Variants in PLIN3 observed in about 807,000 individuals in gnomAD.
PLIN3 encodes the protein perilipin-3.
A neutral mutation model predicts 35.9 loss-of-function variants in PLIN3; 30 were observed. The ratio of observed to expected loss-of-function variants is 0.84; its 90% CI spans 0.62 to 1.13. The LOEUF is 1.13. PLIN3 is among the 50% of genes most tolerant of loss of function. The probability of loss-of-function intolerance (pLI) is 0.00; values close to 1 mark genes in which losing one functional copy is unlikely to be tolerated. For synonymous variants in PLIN3, 261 were observed against 262.5 expected (o/e 0.99, Z 0.06); for missense variants, 603 against 596.9 (o/e 1.01, Z -0.11).
At chr19:4,842,416 G>A (rs991283998) in intron 7 of PLIN3, among the ~76,000 whole-genome samples, 5 of 151,676 alleles carry the variant, frequency 3.3e-5, no homozygotes, top group African/African-American at 1.2e-4. Flanking sequence ...GTGACGGAGT[G>A]AGACTCTGTC....
At chr19:4,864,868 T>C (rs569591582) in intron 1 of PLIN3, among the ~76,000 whole-genome samples, 1 of 152,128 alleles carries the variant, frequency 6.6e-6, no homozygotes, top group South Asian at 2.1e-4. Flanking sequence ...CGCCTTCCCC[T>C]CCTCTGGCCT....
intron 1 of PLIN3, among the ~76,000 whole-genome samples, chr19:4,866,067 G>GA (rs2030846189): frequency 6.7e-6 from 1 of 150,196 alleles, no homozygotes; most frequent in Non-Finnish European, 1.5e-5. Context: ...GCCCAGGCTG[G>GA]AATGCAGTGG....
rs530761495 is a variant in PLIN3, at chr19:4,844,492, T to G, written c.960+176A>C. On this transcript the variant is annotated intron_variant, in intron 7 of 7. Transcript: ENST00000221957. Reference sequence around the variant, plus strand: ...AAACAAAAAACAGAAGCCATACCTATGCATGCCCAAGAGGAGAAATCAAGG... The same window carrying G: ...AAACAAAAAACAGAAGCCATACCTAGGCATGCCCAAGAGGAGAAATCAAGG... 4.6e-5 allele frequency among the ~76,000 whole-genome samples: 7 copies of G among 152,090 alleles called. No homozygotes were observed. The East Asian group carries it at 1.2e-3, about 25-fold the overall frequency.
chr19:4,866,351 C>G (rs1279472561), intron 1 of PLIN3, among the ~76,000 whole-genome samples: 1 of 152,090 alleles, frequency 6.6e-6, no homozygotes, highest in East Asian at 1.9e-4. Flanking sequence ...TGGCAACTCA[C>G]TAGGAATAGG....
intron 7 of PLIN3, among the ~76,000 whole-genome samples, chr19:4,842,255 T>C (rs1418147989): frequency 2.0e-5 from 3 of 151,820 alleles, no homozygotes; most frequent in Non-Finnish European, 4.4e-5. Context: ...GACAGAACCC[T>C]GTCTCTACTA....
chr19:4,862,222 C>T (rs1689976078), intron 1 of PLIN3, among the ~76,000 whole-genome samples: 2 of 151,922 alleles, frequency 1.3e-5, no homozygotes, highest in Admixed American at 6.6e-5. Context: ...CCTCCACCTC[C>T]CACGTTCAAG....
intron 6 of PLIN3, 48 bp from the exon 7 acceptor site, chr19:4,844,841 G>A: frequency 1.3e-6 from 2 of 1,528,694 alleles, no homozygotes; most frequent in Non-Finnish European, 1.8e-6. Flanking sequence ...CCCTGGGAGA[G>A]ACGGGATTCC....
At chr19:4,861,016 G>A (rs1034536758) in intron 2 of PLIN3, among the ~76,000 whole-genome samples, 1 of 152,118 alleles carries the variant, frequency 6.6e-6, no homozygotes, top group Non-Finnish European at 1.5e-5. Flanking sequence ...GAGAGATCTG[G>A]AATAGAAACT....
intron 4 of PLIN3, among the ~76,000 whole-genome samples, chr19:4,856,632 C>A (rs578184964): frequency 6.6e-6 from 1 of 151,856 alleles, no homozygotes; most frequent in South Asian, 2.1e-4. Flanking sequence ...ACAAAGCAGG[C>A]AGCCTGTGCC....
At chr19:4,856,527 C>T (rs1198036087) in intron 4 of PLIN3, among the ~76,000 whole-genome samples, 2 of 151,666 alleles carry the variant, frequency 1.3e-5, no homozygotes, top group Non-Finnish European at 2.9e-5. Context: ...CATTGCACTC[C>T]AGCCTGGGCA....
intron 6 of PLIN3, among the ~76,000 whole-genome samples, chr19:4,845,720 C>T (rs552961254): frequency 2.0e-5 from 3 of 151,178 alleles, no homozygotes; most frequent in South Asian, 2.1e-4. Context: ...GTGAGGAGAT[C>T]GAGACCATCC....
chr19:4,843,128 A>T (rs1296991024), intron 7 of PLIN3, among the ~76,000 whole-genome samples: 1 of 152,048 alleles, frequency 6.6e-6, no homozygotes, highest in Non-Finnish European at 1.5e-5. Context: ...AGGTGGAGAC[A>T]GGAGAACCAC....
intron 7 of PLIN3, among the ~76,000 whole-genome samples, chr19:4,843,510 A>AAAAAAAAAAAAT (rs1555733213): frequency 0.045 from 6,284 of 139,434 alleles, 225 homozygotes; most frequent in Middle Eastern, 0.14. Flanking sequence ...TCCATCTCAA[A>AAAAAAAAAAAAT]AAATAAATAA....
chr19:4,840,596 G>A (rs1157943522), intron 7 of PLIN3, among the ~76,000 whole-genome samples: 1 of 152,102 alleles, frequency 6.6e-6, no homozygotes, highest in Non-Finnish European at 1.5e-5. Flanking sequence ...CACCAAAGAA[G>A]ATATAGGGAG....
chr19:4,853,471 A>ATGAGCC (rs2030371529), intron 4 of PLIN3, among the ~76,000 whole-genome samples: 1 of 151,872 alleles, frequency 6.6e-6, no homozygotes, highest in African/African-American at 2.4e-5. Context: ...GATTACAAGC[A>ATGAGCC]CATGCCACCA....
Position 4,861,368 on chromosome 19 carries a change from A to C in PLIN3, c.27T>G (p.Asp9Glu). Residue 9 changes from aspartate (D) to glutamate (E), a missense_variant, in exon 2 of 8, where the codon GAT (aspartate) becomes GAG (glutamate). Physicochemically the swap from Asp to Glu is conservative, Grantham distance 45 (BLOSUM62 2). Coordinates refer to ENST00000221957, the MANE Select transcript of PLIN3 (RefSeq NM_005817.5). MSADGAEA[D>E]GSTQVTVEEP... ...CTTCCACTGTCACCTGGGTGCTGCC[A>C]TCAGCCTCTGCCCCGTCGGCAGACA... The C allele has an allele frequency of 2.5e-6, 4 of 1,613,248 alleles. No homozygotes were observed. Among genetic ancestry groups the C allele is most frequent in the African/African-American group, 1.3e-5 (1 of 75,036 alleles).
At chr19:4,841,774 G>A (rs929911150) in intron 7 of PLIN3, among the ~76,000 whole-genome samples, 15 of 151,214 alleles carry the variant, frequency 9.9e-5, no homozygotes, top group African/African-American at 3.4e-4. Flanking sequence ...GCATGGTGGC[G>A]GGAGCCTGTA....
chr19:4,860,688 G>C (rs1163033541), intron 2 of PLIN3, among the ~76,000 whole-genome samples: 3 of 152,022 alleles, frequency 2.0e-5, no homozygotes, highest in Non-Finnish European at 4.4e-5. Context: ...ATTATTTTTG[G>C]GGCCAGGAGC....
intron 1 of PLIN3, among the ~76,000 whole-genome samples, chr19:4,862,471 C>A (rs2030708611): frequency 6.6e-6 from 1 of 151,986 alleles, no homozygotes; most frequent in Admixed American, 6.6e-5. Context: ...GTCTCGAATT[C>A]CTGGTCTCAA....
Sources: gnomAD v4.1 joint callset for allele counts (sites outside exome capture counted in the v4.1 genomes callset) on GRCh38, gnomAD v4.1.1 for gene constraint, MANE v1.5 for transcripts, NCBI Gene and HGNC (gene_info 2026-07-23, HGNC 2026-07-21) for gene names.